Variants in GRIK1 observed in about 807,000 individuals in gnomAD.
GRIK1 encodes the protein glutamate receptor ionotropic, kainate 1.
In GRIK1, 69 loss-of-function variants were observed where a neutral mutation model predicts 105.7. The ratio of observed to expected loss-of-function variants is 0.65; its 90% CI spans 0.54 to 0.80. The LOEUF is 0.80. GRIK1 is among the 30% of genes least tolerant of loss of function. GRIK1 has a pLI of 0.00. For synonymous variants in GRIK1, 438 were observed against 431.3 expected (o/e 1.02, Z -0.19); for missense variants, 1,109 against 1,167.3 (o/e 0.95, Z 0.73).
chr21:29,767,864 A>ATG (rs60618188), intron 1 of GRIK1, among the ~76,000 whole-genome samples: 6,919 of 147,232 alleles, frequency 0.047, 196 homozygotes, highest in African/African-American at 0.086. Flanking sequence ...GCTGAAATTC[A>ATG]TGTGTGTGTG....
At chr21:29,890,576 TATA>T (rs1319900687) in intron 1 of GRIK1, among the ~76,000 whole-genome samples, 1 of 152,098 alleles carries the variant, frequency 6.6e-6, no homozygotes, top group Non-Finnish European at 1.5e-5. Context: ...ATTCTGAAGA[TATA>T]ATAACACATG....
chr21:29,764,310 C>A (rs761682214), intron 1 of GRIK1, among the ~76,000 whole-genome samples: 6 of 152,148 alleles, frequency 3.9e-5, no homozygotes, highest in Non-Finnish European at 8.8e-5. Context: ...TATTTTTCCA[C>A]GGATGTTCAG....
At chr21:29,676,418 T>C (rs916538095) in intron 3 of GRIK1, among the ~76,000 whole-genome samples, 3 of 152,194 alleles carry the variant, frequency 2.0e-5, no homozygotes, top group Admixed American at 6.5e-5. Context: ...AAAAGCACAG[T>C]AGACAAAATT....
At chr21:29,738,290 T>C (rs995927824) in intron 1 of GRIK1, among the ~76,000 whole-genome samples, 1 of 152,256 alleles carries the variant, frequency 6.6e-6, no homozygotes, top group Admixed American at 6.5e-5. Flanking sequence ...TATGTGTATA[T>C]GCATGCATTT....
At chr21:29,907,367 A>C (rs1277018561) in intron 1 of GRIK1, among the ~76,000 whole-genome samples, 1 of 152,152 alleles carries the variant, frequency 6.6e-6, no homozygotes. Context: ...TAAAATAATC[A>C]ATGTTCTAGA....
chr21:29,871,446 G>C (rs2069008443), intron 1 of GRIK1, among the ~76,000 whole-genome samples: 1 of 152,122 alleles, frequency 6.6e-6, no homozygotes, highest in African/African-American at 2.4e-5. Context: ...TGTTTAAGTA[G>C]CTATTTATGT....
In GRIK1 at chr21:29,684,941, A is replaced by G. The variant is rs372881241; in HGVS notation, c.544+4787T>C. On this transcript the variant is annotated intron_variant, in intron 3 of 17. Coordinates refer to ENST00000327783, the MANE Select transcript of GRIK1 (RefSeq NM_001330994.2). ...TCTATCATCTACCTATCATCTGTCT[A>G]TTAATATCTATCATCTACCTATCAT... Among the ~76,000 whole-genome samples the G allele has an allele frequency of 5.3e-5, 8 of 152,256 alleles. No homozygotes were observed. The East Asian group carries it at 1.2e-3, about 22-fold the overall frequency.
At chr21:29,712,539 T>C (rs2064082649) in intron 1 of GRIK1, among the ~76,000 whole-genome samples, 1 of 152,076 alleles carries the variant, frequency 6.6e-6, no homozygotes, top group Admixed American at 6.6e-5. Context: ...AATTTCCAAG[T>C]ATTGTAAATA....
intron 4 of GRIK1, among the ~76,000 whole-genome samples, chr21:29,672,009 TG>T (rs1163788538): frequency 1.3e-5 from 2 of 151,870 alleles, no homozygotes; most frequent in African/African-American, 4.8e-5. Context: ...AAAATCACTC[TG>T]GGGTGAGAAG....
chr21:29,629,969 G>A (rs1158797301), intron 7 of GRIK1, among the ~76,000 whole-genome samples: 1 of 152,156 alleles, frequency 6.6e-6, no homozygotes, highest in Non-Finnish European at 1.5e-5. Flanking sequence ...CCATGAGGTG[G>A]AACTGCAAGG....
chr21:29,607,171 A>G (rs1006912480), intron 7 of GRIK1, among the ~76,000 whole-genome samples: 7 of 152,168 alleles, frequency 4.6e-5, no homozygotes, highest in Non-Finnish European at 8.8e-5. Context: ...ATGGTGATCT[A>G]TCAGCTAGAT....
chr21:29,785,737 G>C (rs1174388819), intron 1 of GRIK1, among the ~76,000 whole-genome samples: 11 of 152,106 alleles, frequency 7.2e-5, no homozygotes, highest in Admixed American at 7.2e-4. Context: ...ACAGAAACTT[G>C]GTGGCTTAAT....
intron 3 of GRIK1, among the ~76,000 whole-genome samples, chr21:29,673,710 A>C (rs972913724): frequency 1.3e-5 from 2 of 152,134 alleles, no homozygotes; most frequent in Non-Finnish European, 2.9e-5. Flanking sequence ...TGCTCATTAC[A>C]TTTTCTTGCT....
chr21:29,566,013 AAAG>A (rs1464698214), intron 14 of GRIK1, among the ~76,000 whole-genome samples: 13 of 152,218 alleles, frequency 8.5e-5, no homozygotes, highest in Admixed American at 1.3e-4. Flanking sequence ...GTTAGATAAA[AAAG>A]TAGAATGTTG....
intron 9 of GRIK1, among the ~76,000 whole-genome samples, chr21:29,592,619 C>T (rs2061348798): frequency 6.6e-6 from 1 of 152,182 alleles, no homozygotes; most frequent in East Asian, 1.9e-4. Flanking sequence ...AGATTCTAAA[C>T]TTTCTGAGCT....
intron 1 of GRIK1, among the ~76,000 whole-genome samples, chr21:29,825,359 GA>G (rs1051420076): frequency 6.6e-6 from 1 of 151,942 alleles, no homozygotes; most frequent in Non-Finnish European, 1.5e-5. Flanking sequence ...ATGATGTAAA[GA>G]AAGCAAGATT....
At chr21:29,871,363 C>T (rs1278250591) in intron 1 of GRIK1, among the ~76,000 whole-genome samples, 2 of 152,140 alleles carry the variant, frequency 1.3e-5, no homozygotes, top group Non-Finnish European at 2.9e-5. Context: ...TACACAAACC[C>T]AACGAATTAG....
intron 1 of GRIK1, among the ~76,000 whole-genome samples, chr21:29,863,754 C>T (rs2068720329): frequency 6.6e-6 from 1 of 152,082 alleles, no homozygotes; most frequent in Non-Finnish European, 1.5e-5. Context: ...ATGTAATAAA[C>T]TATTTTATGT....
In GRIK1 at chr21:29,814,587, GCTT is replaced by G. The variant is rs369338710; in HGVS notation, c.119-120527_119-120525del. Among the ~76,000 whole-genome samples, 803 of 152,178 alleles carry G rather than the reference GCTT, an allele frequency of 5.3e-3. 10 individuals are homozygous for G. Among genetic ancestry groups the G allele is most frequent in the African/African-American group, 0.019 (769 of 41,538 alleles). On this transcript the variant is annotated intron_variant, in intron 1 of 17. Transcript: ENST00000327783. The stretch of plus-strand genomic sequence containing the variant: ...GGACCCCTGAAGAGATACATCAAAT[GCTT>G]CTTCCTTCTGCCTCTCTCGATAACG...
Sources: allele counts gnomAD v4.1 joint callset (sites outside exome capture counted in the v4.1 genomes callset), GRCh38; gene constraint gnomAD v4.1.1; transcripts MANE v1.5; gene names NCBI Gene and HGNC (gene_info 2026-07-23, HGNC 2026-07-21).